Variants in USP9X observed in about 807,000 individuals in gnomAD.
The protein encoded by USP9X is ubiquitin carboxyl-terminal hydrolase 9X.
A neutral mutation model predicts 190.3 loss-of-function variants in USP9X; 7 were observed. That is an observed-to-expected ratio of 0.04 (90% confidence interval 0.02 to 0.07). The LOEUF is 0.07. Among genes scored for constraint, USP9X ranks in the 10% least tolerant of loss-of-function variants. USP9X has a pLI of 1.00. For missense variants in USP9X, 1,010 were observed against 1,916.9 expected (o/e 0.53, Z 8.83); for synonymous variants, 645 against 659.5 (o/e 0.98, Z 0.34).
intron 38 of USP9X, 150 bp from the exon 39 acceptor site, chrX:41,223,067 T>C: frequency 3.6e-6 from 2 of 560,426 alleles, no homozygotes; most frequent in East Asian, 3.7e-5. Flanking sequence ...AGTGATAAAA[T>C]TACAAATCAA....
intron 1 of USP9X, among the ~76,000 whole-genome samples, chrX:41,093,882 C>T: frequency 8.9e-6 from 1 of 112,024 alleles, no homozygotes; most frequent in Non-Finnish European, 1.9e-5. Flanking sequence ...GGAAAAACCC[C>T]TAAAAAGGTG....
rs951421865 is a variant in USP9X, at chrX:41,232,384, C to T, written c.7528-3C>T. 1 of 1,197,932 alleles carries T rather than the reference C, an allele frequency of 8.3e-7. No individual in the cohort carries two copies. Among genetic ancestry groups the T allele is most frequent in the Non-Finnish European group, 1.1e-6 (1 of 889,738 alleles). Reference sequence around the variant, plus strand: ...AACATACAGATCTTTTCTCCTTTCCCAGAATAACCATGTGCATGGACAGCC... The same window carrying T: ...AACATACAGATCTTTTCTCCTTTCCTAGAATAACCATGTGCATGGACAGCC... On this transcript the variant is annotated splice_polypyrimidine_tract_variant and splice_region_variant and intron_variant, in intron 44 of 44. Transcript: ENST00000378308.
chrX:41,200,888 A>C (rs1371465706), intron 30 of USP9X, among the ~76,000 whole-genome samples, 172 bp from the exon 31 acceptor site: 1 of 112,097 alleles, frequency 8.9e-6, no homozygotes, highest in Non-Finnish European at 1.9e-5. Context: ...GTTGCTGTAT[A>C]TTTTAGATTG....
In USP9X at chrX:41,166,043, C is replaced by T; in HGVS notation, c.2157C>T (p.Phe719=). 8.3e-7 allele frequency: 1 copy of T among 1,211,362 alleles called. No individual in the cohort carries two copies. The highest frequency in any genetic ancestry group is 1.7e-5 in the African/African-American group (1 of 57,690). The stretch of plus-strand genomic sequence containing the variant: ...TAGATCCTGATATTAATAAGGACTT[C>T]TTTGAAAGTAATGTGCTTCAGCTTG... ...PDLDPDINKD[F]FESNVLQLDP... Residue 719 remains phenylalanine, a synonymous_variant, in exon 16 of 45, where the codon TTC becomes TTT. Coordinates refer to ENST00000378308, the MANE Select transcript of USP9X (RefSeq NM_001039591.3).
At chrX:41,190,601 G>A (rs923123630) in intron 26 of USP9X, among the ~76,000 whole-genome samples, 7 of 112,008 alleles carry the variant, frequency 6.2e-5, no homozygotes, top group Non-Finnish European at 5.6e-5. Flanking sequence ...TTAGCCAACA[G>A]TTTTAATGAT....
chrX:41,157,486 A>G (rs1000905809), intron 14 of USP9X, among the ~76,000 whole-genome samples: 2 of 111,168 alleles, frequency 1.8e-5, no homozygotes, highest in Non-Finnish European at 3.8e-5. Flanking sequence ...GGATTAAAAG[A>G]AGGAGGAAAA....
In USP9X at chrX:41,196,282, T is replaced by C. The variant is rs2147188893; in HGVS notation, c.4009T>C (p.Phe1337Leu). ...TCGTCAGGTGGCACAGGAGCAGTTC[T>C]TTTTAATGTGCACCAGATGTTGCAT... ...TVRQVAQEQF[F>L]LMCTRCCMGH... is the part of the protein sequence containing the mutation. The change falls in exon 27 of 45, where the codon TTT becomes CTT. Residue 1337 changes from phenylalanine to leucine, a missense_variant. Phe to Leu is a conservative substitution (Grantham distance 22, BLOSUM62 0). Around this residue, in one of 11 missense-constraint regions of USP9X, gnomAD observed 351 missense variants for 480.8 expected, o/e 0.73. Coordinates refer to ENST00000378308, the MANE Select transcript of USP9X (RefSeq NM_001039591.3). 8.2e-7 allele frequency: 1 copy of C among 1,212,240 alleles called. No homozygotes were observed. The highest frequency in any genetic ancestry group is 1.1e-6 in the Non-Finnish European group (1 of 895,595).
chrX:41,199,752 T>C (rs1047815216), intron 30 of USP9X, among the ~76,000 whole-genome samples: 1 of 111,925 alleles, frequency 8.9e-6, no homozygotes, highest in Non-Finnish European at 1.9e-5. Flanking sequence ...TTAAGTTGCA[T>C]GTATTGGAAA....
chrX:41,110,199 C>T (rs749484744), intron 1 of USP9X, among the ~76,000 whole-genome samples: 20 of 111,501 alleles, frequency 1.8e-4, no homozygotes, highest in African/African-American at 6.2e-4. Flanking sequence ...TCCGGAGTAG[C>T]TGGGGCTATA....
At chrX:41,153,966 GAGT>G (rs1160214917) in intron 14 of USP9X, among the ~76,000 whole-genome samples, 2 of 111,925 alleles carry the variant, frequency 1.8e-5, no homozygotes, top group Non-Finnish European at 3.8e-5. Flanking sequence ...ATTATTTGAG[GAGT>G]AGGCTTTTGA....
intron 25 of USP9X, 85 bp from the exon 26 acceptor site, chrX:41,189,224 T>A (rs2062909720): frequency 8.0e-6 from 8 of 1,006,205 alleles, no homozygotes; most frequent in Non-Finnish European, 1.1e-5. Flanking sequence ...AGTGAGCAGA[T>A]GAGTTTTAAG....
chrX:41,157,263 G>A (rs748010128), intron 14 of USP9X, among the ~76,000 whole-genome samples: 15 of 111,457 alleles, frequency 1.3e-4, no homozygotes, highest in Non-Finnish European at 2.3e-4. Context: ...CCTTGCTGGA[G>A]TGATTGAGAA....
At chrX:41,120,508 T>G (rs1261554445) in intron 1 of USP9X, among the ~76,000 whole-genome samples, 1 of 111,622 alleles carries the variant, frequency 9.0e-6, no homozygotes, top group African/African-American at 3.3e-5. Context: ...CATATCTTTT[T>G]TGTGTGTGTG....
chrX:41,232,693 C>G lies in USP9X; in HGVS notation c.*169C>G, dbSNP rs750360852. 6.8e-6 allele frequency: 4 copies of G among 590,559 alleles called. No individual in the cohort carries two copies. The South Asian group carries it at 1.6e-4, about 23-fold the overall frequency. 48.7% of individuals were successfully genotyped at this position (590,559 alleles called of 1,213,427 possible). A position where few individuals can be genotyped will look rare whatever the true frequency, so the allele number is the denominator to read the frequency against. Reference sequence around the variant, plus strand: ...CAGAAATTTGCTGTCAATATATAACCCGCCTGCAGTGGAAAGTGTATAGTG... The same window carrying G: ...CAGAAATTTGCTGTCAATATATAACGCGCCTGCAGTGGAAAGTGTATAGTG... On this transcript the variant is annotated 3_prime_UTR_variant, in exon 45 of 45. Transcript: ENST00000378308.
At chrX:41,174,661 T>G (rs752085209) in intron 21 of USP9X, among the ~76,000 whole-genome samples, 58 of 111,596 alleles carry the variant, frequency 5.2e-4, no homozygotes, top group Non-Finnish European at 9.8e-4. Flanking sequence ...TCACTTGAGT[T>G]TTTTCCTTGC....
At chrX:41,109,787 C>T (rs1438408882) in intron 1 of USP9X, among the ~76,000 whole-genome samples, 1 of 111,291 alleles carries the variant, frequency 9.0e-6, no homozygotes, top group Non-Finnish European at 1.9e-5. Flanking sequence ...GGCAGGAAAC[C>T]TGTGCTTAAT....
chrX:41,202,913 C>G (rs2063055474), intron 31 of USP9X, among the ~76,000 whole-genome samples: 1 of 111,586 alleles, frequency 9.0e-6, no homozygotes, highest in Non-Finnish European at 1.9e-5. Context: ...TCTCTGCACC[C>G]CAGTGTACTG....
chrX:41,136,700 G>T, intron 5 of USP9X, 104 bp from the exon 6 acceptor site: 1 of 566,433 alleles, frequency 1.8e-6, no homozygotes, highest in South Asian at 3.2e-5. Flanking sequence ...TTAGAAAAAT[G>T]GAGAGATCGT....
intron 15 of USP9X, among the ~76,000 whole-genome samples, chrX:41,164,159 C>T (rs994248433): frequency 4.5e-5 from 5 of 111,539 alleles, no homozygotes; most frequent in African/African-American, 1.3e-4. Flanking sequence ...TGTAAGCCAC[C>T]GTGCCTGGCC....
Sources: allele counts gnomAD v4.1 joint callset (sites outside exome capture counted in the v4.1 genomes callset), GRCh38; gene constraint gnomAD v4.1.1; regional missense constraint gnomAD v4.1.1; transcripts MANE v1.5; gene names NCBI Gene and HGNC (gene_info 2026-07-23, HGNC 2026-07-21).